The following AKAP13 variants were observed in gnomAD, a reference collection of about 807,000 sequenced individuals.
AKAP13 encodes the protein A-kinase anchoring protein 13.
A neutral mutation model predicts 264.5 loss-of-function variants in AKAP13; 80 were observed. The ratio of observed to expected loss-of-function variants is 0.30; its 90% CI spans 0.25 to 0.36. The LOEUF is 0.36. Ranked by LOEUF, AKAP13 falls within the 10% of genes least tolerant of loss-of-function variation. AKAP13 has a pLI of 1.00. For missense variants in AKAP13, 3,712 were observed against 3,435.2 expected, an observed-to-expected ratio of 1.08 and a Z score of -2.01; for synonymous variants, 1,380 against 1,250.2, an observed-to-expected ratio of 1.10 and a Z score of -2.19.
intron 8 of AKAP13, among the ~76,000 whole-genome samples, chr15:85,621,835 GT>G (rs543769857): frequency 6.6e-6 from 1 of 151,960 alleles, no homozygotes; most frequent in Non-Finnish European, 1.5e-5. Context: ...GTGGTTTTTT[GT>G]TTTTTTGTTT....
intron 6 of AKAP13, chr15:85,577,747 C>T (rs1158845234): frequency 1.1e-6 from 1 of 919,916 alleles, no homozygotes; most frequent in East Asian, 1.2e-4. Context: ...TTAATATGTT[C>T]TGATTTTATC....
Position 85,580,407 on chromosome 15 carries a change from T to A in AKAP13, c.2339T>A (p.Ile780Lys). Reference protein sequence around the residue: ...EKELVPDQAVISDSTFSLANS... With the variant: ...EKELVPDQAVKSDSTFSLANS... ...GAACTGGTGCCAGACCAGGCAGTAA[T>A]ATCAGACAGTACTTTCTCTCTGGCA... Residue 780 changes from isoleucine (I) to lysine (K), a missense_variant, in exon 7 of 37, where the codon ATA becomes AAA. Ile to Lys is a moderately radical substitution (Grantham distance 102). Transcript: ENST00000394518. The A allele has an allele frequency of 6.2e-7, 1 of 1,614,194 alleles. No homozygotes were observed. Among genetic ancestry groups the A allele is most frequent in the Non-Finnish European group, 8.5e-7 (1 of 1,180,042 alleles).
At chr15:85,387,346 A>G (rs1244025631) in intron 1 of AKAP13, among the ~76,000 whole-genome samples, 1 of 152,048 alleles carries the variant, frequency 6.6e-6, no homozygotes, top group Admixed American at 6.6e-5. Flanking sequence ...AAAAAAACAA[A>G]AAAAGATAGG....
At chr15:85,598,104 C>G (rs1281286754) in intron 8 of AKAP13, among the ~76,000 whole-genome samples, 1 of 151,878 alleles carries the variant, frequency 6.6e-6, no homozygotes, top group Non-Finnish European at 1.5e-5. Flanking sequence ...GTCATTCTTC[C>G]TCCTTGTTTT....
At chr15:85,484,101 C>G (rs1370320251) in intron 1 of AKAP13, among the ~76,000 whole-genome samples, 1 of 152,032 alleles carries the variant, frequency 6.6e-6, no homozygotes, top group African/African-American at 2.4e-5. Flanking sequence ...TCTTTCATTC[C>G]CATGTCCTAG....
At chr15:85,669,611 G>T (rs943687536) in intron 13 of AKAP13, 111 bp from the exon 14 acceptor site, 85 of 729,696 alleles carry the variant, frequency 1.2e-4, no homozygotes, top group Non-Finnish European at 1.9e-4. Flanking sequence ...GCTCTCACCC[G>T]CTTCTTCACT....
At chr15:85,516,187 A>G (rs911330619) in intron 2 of AKAP13, among the ~76,000 whole-genome samples, 1 of 152,178 alleles carries the variant, frequency 6.6e-6, no homozygotes, top group Non-Finnish European at 1.5e-5. Flanking sequence ...ATCCTGGCAC[A>G]TTATAATAGT....
At chr15:85,726,564 T>A in intron 27 of AKAP13, 78 bp downstream of exon 27, 1 of 1,233,576 alleles carries the variant, frequency 8.1e-7, no homozygotes, top group Admixed American at 1.8e-5. Context: ...ATGTTATTGC[T>A]CTCCCCCGCC....
intron 1 of AKAP13, among the ~76,000 whole-genome samples, chr15:85,465,147 G>T (rs927687895): frequency 1.4e-5 from 2 of 147,918 alleles, no homozygotes; most frequent in African/African-American, 5.2e-5. Flanking sequence ...TAGAGACGGG[G>T]TTTCATGTGT....
intron 1 of AKAP13, among the ~76,000 whole-genome samples, chr15:85,409,288 C>T (rs1363162363): frequency 6.6e-6 from 1 of 151,760 alleles, no homozygotes; most frequent in African/African-American, 2.4e-5. Flanking sequence ...AGCGATTCTC[C>T]TGCCTCAGCC....
intron 8 of AKAP13, among the ~76,000 whole-genome samples, chr15:85,631,485 C>G (rs1053117733): frequency 6.0e-5 from 4 of 66,944 alleles, no homozygotes; most frequent in African/African-American, 1.4e-4. Flanking sequence ...CACACACTTT[C>G]TCTCTCTCTC....
chr15:85,468,813 C>G (rs1442629266), intron 1 of AKAP13, among the ~76,000 whole-genome samples: 1 of 151,960 alleles, frequency 6.6e-6, no homozygotes, highest in Non-Finnish European at 1.5e-5. Flanking sequence ...AGAATATTTT[C>G]ATTGCCTTGC....
At chr15:85,437,639 A>G (rs911901908) in intron 1 of AKAP13, among the ~76,000 whole-genome samples, 2 of 152,252 alleles carry the variant, frequency 1.3e-5, no homozygotes, top group African/African-American at 4.8e-5. Context: ...AGTGGGCTTC[A>G]TCCCGGGATG....
chr15:85,424,100 A>T (rs745482602), intron 1 of AKAP13, among the ~76,000 whole-genome samples: 3 of 152,194 alleles, frequency 2.0e-5, no homozygotes, highest in African/African-American at 7.2e-5. Flanking sequence ...TTAGAATGGT[A>T]AGTGAGCATT....
rs2061822 is a variant in AKAP13 at position 85,579,548 on chromosome 15, T to G, written c.1480T>G (p.Trp494Gly). The change falls in exon 7 of 37, where the codon TGG becomes GGG. Residue 494 changes from tryptophan (W) to glycine (G), a missense_variant. This residue lies in a region of AKAP13 where 2,759 missense variants were observed against 2,411.7 expected (regional missense o/e 1.14). Coordinates refer to ENST00000394518, the MANE Select transcript of AKAP13 (RefSeq NM_007200.5). ...HGLMNPDATV[W>G]KNVLQGGEST... ...GCTCATGAACCCAGATGCCACTGTTTGGAAGAATGTGCTTCAGGGAGGGGA... is the reference window on the plus strand; with the variant it reads ...GCTCATGAACCCAGATGCCACTGTTGGGAAGAATGTGCTTCAGGGAGGGGA... 2.5e-6 allele frequency: 4 copies of G among 1,613,876 alleles called. No individual in the cohort carries two copies. The highest frequency in any genetic ancestry group is 1.6e-4 in the Middle Eastern group (1 of 6,062).
intron 1 of AKAP13, among the ~76,000 whole-genome samples, chr15:85,439,201 C>CA (rs1405128560): frequency 6.6e-6 from 1 of 151,114 alleles, no homozygotes; most frequent in Non-Finnish European, 1.5e-5. Context: ...TTTATGCAGC[C>CA]AAAAAACACA....
intron 1 of AKAP13, among the ~76,000 whole-genome samples, chr15:85,453,038 G>A (rs773002797): frequency 7.2e-5 from 11 of 152,212 alleles, no homozygotes; most frequent in Non-Finnish European, 1.6e-4. Context: ...GCCAGGGGTT[G>A]GTTCCCTGTC....
At chr15:85,668,117 A>G (rs1410829205) in intron 13 of AKAP13, among the ~76,000 whole-genome samples, 2 of 152,166 alleles carry the variant, frequency 1.3e-5, no homozygotes, top group African/African-American at 4.8e-5. Flanking sequence ...ACTTCCTGTT[A>G]AAAGTCTCTG....
At chr15:85,582,265 A>C (rs541973866) in intron 7 of AKAP13, among the ~76,000 whole-genome samples, 158 bp downstream of exon 7, 3 of 152,204 alleles carry the variant, frequency 2.0e-5, no homozygotes, top group Non-Finnish European at 2.9e-5. Context: ...CAGGAGGGGC[A>C]CGTCATCTCA....
Sources: allele counts gnomAD v4.1 joint callset (sites outside exome capture counted in the v4.1 genomes callset), GRCh38; gene constraint gnomAD v4.1.1; regional missense constraint gnomAD v4.1.1; transcripts MANE v1.5; gene names NCBI Gene and HGNC (gene_info 2026-07-23, HGNC 2026-07-21).